Variants in SLF2 observed in about 807,000 individuals in gnomAD.
SLF2 encodes SMC5/6 complex localization factor 2.
A neutral mutation model predicts 124.3 loss-of-function variants in SLF2; 68 were observed. That is an observed-to-expected ratio of 0.55 (90% CI 0.45 to 0.67). The LOEUF is 0.67. Ranked by LOEUF, SLF2 falls within the 30% of genes least tolerant of loss-of-function variation. The pLI, the probability that SLF2 is intolerant of heterozygous loss-of-function variation, is 0.00. For synonymous variants in SLF2, 480 were observed against 478.8 expected (o/e 1.00, Z -0.03); for missense variants, 1,246 against 1,373.7 (o/e 0.91, Z 1.47).
chr10:100,913,226 A>G lies in SLF2; in HGVS notation c.116A>G (p.Lys39Arg). The change falls in exon 1 of 20, where the codon AAG becomes AGG. Residue 39 changes from lysine to arginine, a missense_variant. Lys to Arg is a conservative substitution (Grantham distance 26). Around this residue, in one of 3 missense-constraint regions of SLF2, gnomAD observed 698 missense variants for 708.9 expected, o/e 0.98. Coordinates refer to ENST00000238961, the MANE Select transcript of SLF2 (RefSeq NM_018121.4). ...PGSTAHAAAGKRTESPGDRKQ... is the reference protein window; with the variant it reads ...PGSTAHAAAGRRTESPGDRKQ... ...AGTACCGCCCATGCTGCAGCGGGAA[A>G]GAGAACAGAGAGTCCTGGGGACAGG... The G allele has an allele frequency of 6.2e-7, 1 of 1,610,158 alleles. No homozygotes were observed. The highest frequency in any genetic ancestry group is 8.5e-7 in the Non-Finnish European group (1 of 1,178,334).
At chr10:100,938,554 G>C in intron 10 of SLF2, 41 bp from the exon 11 acceptor site, 1 of 1,577,732 alleles carries the variant, frequency 6.3e-7, no homozygotes, top group Non-Finnish European at 8.6e-7. Flanking sequence ...TGGGTTTGTA[G>C]ACCACAGATT....
rs556052505 is a variant in SLF2, at chr10:100,920,804, G to T, written c.973+2363G>T. On this transcript the variant is annotated intron_variant, in intron 4 of 19. Transcript: ENST00000238961. ...GTCTCTACTAAAATTACAAAAATTA[G>T]CTGGGCATGGTGCCCAAGCCTGTAA... Among the ~76,000 whole-genome samples, 20 of 152,206 alleles carry T rather than the reference G, an allele frequency of 1.3e-4. No individual in the cohort carries two copies. In the East Asian group the frequency reaches 3.9e-3, roughly 29 times the overall value.
At position 100,917,109 on chromosome 10, in the gene SLF2, T is replaced by G. The variant is rs1589940876; in HGVS notation, c.724T>G (p.Ser242Ala). 6.2e-7 allele frequency: 1 copy of G among 1,614,150 alleles called. No individual in the cohort carries two copies. The highest frequency in any genetic ancestry group is 8.5e-7 in the Non-Finnish European group (1 of 1,180,036). ...LGAKFQLSLASYCRERELKRL... is the reference protein window; with the variant it reads ...LGAKFQLSLAAYCRERELKRL... ...AGCTAAATTCCAGTTGTCACTAGCT[T>G]CTTACTGCAGAGAACGAGAACTAAA... Residue 242 changes from serine to alanine, a missense_variant, in exon 3 of 20, where the codon TCT (serine) becomes GCT (alanine). Around this residue, in one of 3 missense-constraint regions of SLF2, gnomAD observed 698 missense variants for 708.9 expected, o/e 0.98. Coordinates refer to ENST00000238961, the MANE Select transcript of SLF2 (RefSeq NM_018121.4).
chr10:100,945,100 G>A (rs766815280), intron 12 of SLF2, among the ~76,000 whole-genome samples: 2 of 152,060 alleles, frequency 1.3e-5, no homozygotes, highest in Non-Finnish European at 2.9e-5. Flanking sequence ...AATTGAATCA[G>A]TGATACAGAA....
chr10:100,960,662 G>A (rs920197743), intron 19 of SLF2, among the ~76,000 whole-genome samples: 1 of 151,854 alleles, frequency 6.6e-6, no homozygotes, highest in Non-Finnish European at 1.5e-5. Context: ...TTATTATTGA[G>A]TTGTATGTTC....
chr10:100,922,586 G>A (rs1214674845), intron 4 of SLF2, among the ~76,000 whole-genome samples: 1 of 152,034 alleles, frequency 6.6e-6, no homozygotes, highest in African/African-American at 2.4e-5. Context: ...AATCTGGTTT[G>A]GGGAATACTG....
rs781396538 is a variant in SLF2, at chr10:100,924,134, T to C, written c.1133T>C (p.Ile378Thr). Reference protein sequence around the residue: ...PHQKEKFIKHIALKTPGDVLR... With the variant: ...PHQKEKFIKHTALKTPGDVLR... The stretch of plus-strand genomic sequence containing the variant: ...CAGAAAGAAAAATTTATAAAACATA[T>C]TGCACTGAAGACACCTGGTGATGTG... Residue 378 changes from isoleucine to threonine, a missense_variant, in exon 5 of 20, where the codon ATT becomes ACT. This residue lies in a region of SLF2 where 698 missense variants were observed against 708.9 expected (regional missense o/e 0.98). Coordinates refer to ENST00000238961, the MANE Select transcript of SLF2 (RefSeq NM_018121.4). 6.2e-7 allele frequency: 1 copy of C among 1,613,302 alleles called. No homozygotes were observed. Among genetic ancestry groups the C allele is most frequent in the Admixed American group, 1.7e-5 (1 of 59,790 alleles).
intron 1 of SLF2, among the ~76,000 whole-genome samples, chr10:100,914,360 A>T (rs1220099080): frequency 1.3e-5 from 2 of 152,212 alleles, no homozygotes; most frequent in East Asian, 1.9e-4. Flanking sequence ...TTTTGTGTGC[A>T]TATGAACTTA....
rs192813963 is a variant in SLF2, at chr10:100,930,910, G to C, written c.2334-66G>C. The C allele has an allele frequency of 1.8e-3, 2,144 of 1,178,516 alleles. 10 individuals are homozygous for C. The highest frequency in any genetic ancestry group is 2.9e-3 in the Admixed American group (166 of 58,130). The allele number at this position is 1,178,516 out of a possible 1,614,324, so 73.0% of individuals were successfully genotyped here. A position where few individuals can be genotyped will look rare whatever the true frequency, so the allele number is the denominator to read the frequency against. On this transcript the variant is annotated intron_variant, in intron 8 of 19. Coordinates refer to ENST00000238961, the MANE Select transcript of SLF2 (RefSeq NM_018121.4). ...TTCTCTGATTATGTCAGATGTGTTGGTGGTGATAGTAGAAGTATTTTGCCA... is the reference window on the plus strand; with the variant it reads ...TTCTCTGATTATGTCAGATGTGTTGCTGGTGATAGTAGAAGTATTTTGCCA...
At chr10:100,929,476 A>G in intron 7 of SLF2, 37 bp downstream of exon 7, 1 of 1,522,776 alleles carries the variant, frequency 6.6e-7, no homozygotes, top group Non-Finnish European at 8.8e-7. Context: ...ACCTTATTAA[A>G]GTTTTTACAT....
chr10:100,915,507 A>G (rs930332755), intron 1 of SLF2, among the ~76,000 whole-genome samples: 1 of 152,130 alleles, frequency 6.6e-6, no homozygotes, highest in African/African-American at 2.4e-5. Flanking sequence ...GTTTTACTCC[A>G]TTTTTATAAT....
At position 100,913,221 on chromosome 10, in the gene SLF2, G is replaced by A; in HGVS notation, c.111G>A (p.Ala37=). The A allele has an allele frequency of 1.2e-6, 2 of 1,610,894 alleles. No individual in the cohort carries two copies. The highest frequency in any genetic ancestry group is 1.7e-6 in the Non-Finnish European group (2 of 1,178,676). ...CCGGTAGTACCGCCCATGCTGCAGC[G>A]GGAAAGAGAACAGAGAGTCCTGGGG... is the stretch of plus-strand genomic sequence containing the variant. ...LRPGSTAHAA[A]GKRTESPGDR... Residue 37 remains alanine (A), a synonymous_variant, in exon 1 of 20, where the codon GCG becomes GCA. Transcript: ENST00000238961.
Position 100,957,330 on chromosome 10 carries a change from A to ATTTTTTTTTTTTTT in SLF2, c.3417+817_3417+830dup, listed in dbSNP as rs71013477. Among the ~76,000 whole-genome samples the ATTTTTTTTTTTTTT allele has an allele frequency of 9.8e-5, 9 of 91,864 alleles. 1 individual carries two copies. Among genetic ancestry groups the ATTTTTTTTTTTTTT allele is most frequent in the East Asian group, 1.3e-3 (2 of 1,528 alleles). The allele number at this position is 91,864 out of a possible 152,430, so 60.3% of individuals were successfully genotyped here. On this transcript the variant is annotated intron_variant, in intron 18 of 19. Coordinates refer to ENST00000238961, the MANE Select transcript of SLF2 (RefSeq NM_018121.4). Reference sequence around the variant, plus strand: ...AATATGTTAAAGGAAGGAGTCTTCAATTTTTTTTTTTTTTTTTTTTTTTTT... The same window carrying ATTTTTTTTTTTTTT: ...AATATGTTAAAGGAAGGAGTCTTCAATTTTTTTTTTTTTTTTTTTTTTTTTTTTTTTTTTTTTTT...
chr10:100,920,258 C>G (rs1157224187), intron 4 of SLF2, among the ~76,000 whole-genome samples: 2 of 152,206 alleles, frequency 1.3e-5, no homozygotes, highest in Non-Finnish European at 2.9e-5. Context: ...GGGGCTGCTG[C>G]TGGTGGTGTG....
intron 9 of SLF2, among the ~76,000 whole-genome samples, chr10:100,932,030 G>C (rs963361126): frequency 1.3e-5 from 2 of 151,938 alleles, no homozygotes; most frequent in African/African-American, 4.8e-5. Flanking sequence ...GGCATGGATG[G>C]GGCTTTTTCC....
At position 100,917,194 on chromosome 10, in the gene SLF2, C is replaced by G; in HGVS notation, c.809C>G (p.Ala270Gly). The change falls in exon 3 of 20, where the codon GCA becomes GGA. Residue 270 changes from alanine (A) to glycine (G), a missense_variant. Around this residue, in one of 3 missense-constraint regions of SLF2, gnomAD observed 698 missense variants for 708.9 expected, o/e 0.98. Transcript: ENST00000238961. ...RINSENSFSE[A>G]SSLSLKSSIE... ...AACTCCGAGAATTCTTTCTCAGAAG[C>G]AAGCAGTCTTTCCTTAAAATCTAGT... 1 of 1,613,954 alleles carries G rather than the reference C, an allele frequency of 6.2e-7. No homozygotes were observed. Among genetic ancestry groups the G allele is most frequent in the Non-Finnish European group, 8.5e-7 (1 of 1,180,008 alleles).
At chr10:100,925,524 T>G (rs994285330) in intron 5 of SLF2, among the ~76,000 whole-genome samples, 2 of 152,188 alleles carry the variant, frequency 1.3e-5, no homozygotes, top group African/African-American at 2.4e-5. Flanking sequence ...GCAATTTTAT[T>G]TATAAAGTGC....
chr10:100,940,726 TC>T (rs1262255681), intron 11 of SLF2, among the ~76,000 whole-genome samples: 3 of 79,168 alleles, frequency 3.8e-5, no homozygotes, highest in Non-Finnish European at 7.1e-5. Flanking sequence ...TTCCCCTCCT[TC>T]CCTCCCTTCC....
intron 11 of SLF2, among the ~76,000 whole-genome samples, chr10:100,939,955 A>G (rs1285308951): frequency 6.6e-6 from 1 of 152,198 alleles, no homozygotes; most frequent in African/African-American, 2.4e-5. Context: ...GCTAGAGACT[A>G]TGTTTCATCA....
Sources: gnomAD v4.1 joint callset for allele counts (sites outside exome capture counted in the v4.1 genomes callset) on GRCh38, gnomAD v4.1.1 for gene constraint, gnomAD v4.1.1 regional missense constraint, MANE v1.5 for transcripts, NCBI Gene and HGNC (gene_info 2026-07-23, HGNC 2026-07-21) for gene names.